ADAMTS12: variants seen among roughly 807,000 people sequenced by gnomAD.
ADAMTS12 encodes ADAM metallopeptidase with thrombospondin type 1 motif 12.
In ADAMTS12, 118 loss-of-function variants were observed where a neutral mutation model predicts 167.8. The ratio of observed to expected loss-of-function variants is 0.70; its 90% CI spans 0.61 to 0.82. ADAMTS12 has a LOEUF of 0.82. Among genes scored for constraint, ADAMTS12 ranks in the 40% least tolerant of loss-of-function variants. The pLI is 0.00. For missense variants in ADAMTS12, 1,916 were observed against 1,998.8 expected (o/e 0.96, Z 0.79); for synonymous variants, 704 against 716.9 (o/e 0.98, Z 0.29).
chr5:33,706,840 C>A (rs1304844128), intron 3 of ADAMTS12, among the ~76,000 whole-genome samples: 2 of 152,110 alleles, frequency 1.3e-5, no homozygotes, highest in African/African-American at 2.4e-5. Flanking sequence ...AACCCACAGC[C>A]AATATCATAC....
At chr5:33,645,961 GAC>G (rs1740647751) in intron 9 of ADAMTS12, among the ~76,000 whole-genome samples, 1 of 152,166 alleles carries the variant, frequency 6.6e-6, no homozygotes, top group Non-Finnish European at 1.5e-5. Context: ...ATAAAGCTTT[GAC>G]ACAGGAAATT....
chr5:33,761,021 A>G (rs576926990), intron 2 of ADAMTS12, among the ~76,000 whole-genome samples: 69 of 152,200 alleles, frequency 4.5e-4, no homozygotes, highest in Non-Finnish European at 8.5e-4. Context: ...TTGCTAGCAC[A>G]TCGGGAGCCC....
At chr5:33,781,772 T>G (rs1439906610) in intron 2 of ADAMTS12, among the ~76,000 whole-genome samples, 1 of 152,140 alleles carries the variant, frequency 6.6e-6, no homozygotes, top group African/African-American at 2.4e-5. Context: ...TGTATACATG[T>G]GCCATGCTGG....
intron 22 of ADAMTS12, among the ~76,000 whole-genome samples, chr5:33,545,430 A>C (rs142243833): frequency 0.031 from 4,785 of 152,302 alleles, 268 homozygotes; most frequent in African/African-American, 0.11. Flanking sequence ...AAATTAGTTC[A>C]ACCACTGTGG....
At chr5:33,652,365 A>G (rs899136219) in intron 7 of ADAMTS12, among the ~76,000 whole-genome samples, 1 of 152,132 alleles carries the variant, frequency 6.6e-6, no homozygotes, top group African/African-American at 2.4e-5. Context: ...TTTAATTTGC[A>G]TCTCTCTGAT....
chr5:33,827,840 TA>T (rs35359495), intron 2 of ADAMTS12, among the ~76,000 whole-genome samples: 1 of 151,600 alleles, frequency 6.6e-6, no homozygotes, highest in African/African-American at 2.4e-5. Flanking sequence ...TATTATCTTA[TA>T]AAAAAACTCA....
At chr5:33,579,522 G>A (rs192442145) in intron 18 of ADAMTS12, among the ~76,000 whole-genome samples, 21 of 151,798 alleles carry the variant, frequency 1.4e-4, no homozygotes, top group African/African-American at 4.8e-4. Context: ...CTCTAAAGAA[G>A]TTAGCTTTAC....
chr5:33,633,156 T>A (rs1330170486), intron 12 of ADAMTS12, among the ~76,000 whole-genome samples: 1 of 149,056 alleles, frequency 6.7e-6, no homozygotes, highest in Non-Finnish European at 1.5e-5. Context: ...TTCTACTATA[T>A]GCACTTGCAT....
At chr5:33,745,676 G>A (rs1744757072) in intron 3 of ADAMTS12, among the ~76,000 whole-genome samples, 1 of 152,088 alleles carries the variant, frequency 6.6e-6, no homozygotes, top group Non-Finnish European at 1.5e-5. Flanking sequence ...CATACCAAAA[G>A]ACTATCCAGT....
chr5:33,864,446 T>C (rs1219648971), intron 2 of ADAMTS12, among the ~76,000 whole-genome samples: 2 of 152,222 alleles, frequency 1.3e-5, no homozygotes, highest in African/African-American at 4.8e-5. Flanking sequence ...CTCAAGGACC[T>C]AGAACCAGAA....
chr5:33,675,946 A>G (rs1428733990), intron 5 of ADAMTS12, among the ~76,000 whole-genome samples: 1 of 152,188 alleles, frequency 6.6e-6, no homozygotes, highest in African/African-American at 2.4e-5. Context: ...AACTTGTGCT[A>G]AACATTTTCC....
At chr5:33,738,442 T>C (rs1030308969) in intron 3 of ADAMTS12, among the ~76,000 whole-genome samples, 3 of 152,242 alleles carry the variant, frequency 2.0e-5, no homozygotes, top group African/African-American at 7.2e-5. Context: ...TAAGTGTCTT[T>C]GATGCCTCCT....
intron 16 of ADAMTS12, among the ~76,000 whole-genome samples, chr5:33,602,657 C>A (rs1347291455): frequency 6.6e-6 from 1 of 152,274 alleles, no homozygotes. Flanking sequence ...TATATGGTCA[C>A]AAATCAGGGT....
intron 3 of ADAMTS12, among the ~76,000 whole-genome samples, chr5:33,707,538 C>T (rs1743245916): frequency 2.0e-5 from 3 of 152,148 alleles, no homozygotes; most frequent in Admixed American, 1.3e-4. Flanking sequence ...CATCATGGTA[C>T]CTGACTTCAA....
chr5:33,643,250 TCTGA>T (rs1300383087), intron 10 of ADAMTS12, 124 bp downstream of exon 10: 2 of 859,048 alleles, frequency 2.3e-6, no homozygotes, highest in Non-Finnish European at 3.8e-6. Context: ...CTCTGGCTGG[TCTGA>T]CTGTTTGACC....
At chr5:33,833,929 C>T (rs1017089155) in intron 2 of ADAMTS12, among the ~76,000 whole-genome samples, 1 of 152,142 alleles carries the variant, frequency 6.6e-6, no homozygotes, top group African/African-American at 2.4e-5. Context: ...TAGGAAGGTA[C>T]CACAGAGTGG....
intron 20 of ADAMTS12, among the ~76,000 whole-genome samples, chr5:33,556,190 A>T (rs1330340020): frequency 6.6e-6 from 1 of 152,222 alleles, no homozygotes; most frequent in Non-Finnish European, 1.5e-5. Context: ...GGGGTGAGAA[A>T]ACTAAAGCTC....
intron 2 of ADAMTS12, among the ~76,000 whole-genome samples, chr5:33,811,401 A>G (rs570987847): frequency 1.3e-5 from 2 of 152,350 alleles, no homozygotes; most frequent in East Asian, 1.9e-4. Context: ...GATGACTTCA[A>G]TTAGGATGGT....
At chr5:33,878,382 G>A (rs563164584) in intron 2 of ADAMTS12, among the ~76,000 whole-genome samples, 2 of 152,088 alleles carry the variant, frequency 1.3e-5, no homozygotes, top group African/African-American at 4.8e-5. Context: ...TCACTGATCT[G>A]GATGTGAAAA....
Sources: allele counts gnomAD v4.1 joint callset (sites outside exome capture counted in the v4.1 genomes callset), GRCh38; gene constraint gnomAD v4.1.1; transcripts MANE v1.5; gene names NCBI Gene and HGNC (gene_info 2026-07-23, HGNC 2026-07-21).